Variants in DAB2IP observed in about 807,000 individuals in gnomAD.
DAB2IP encodes the protein DAB2 interacting protein.
A neutral mutation model predicts 107.2 loss-of-function variants in DAB2IP; 28 were observed. The observed-to-expected ratio is 0.26, with a 90% CI of 0.19 to 0.36. The LOEUF (loss-of-function observed/expected upper bound fraction) is 0.36, where lower values mean the gene tolerates loss of function less well. DAB2IP is among the 10% of genes least tolerant of loss of function. The pLI, the probability that DAB2IP is intolerant of heterozygous loss-of-function variation, is 1.00. For synonymous variants in DAB2IP, 755 were observed against 706.4 expected (o/e 1.07, Z -1.09); for missense variants, 1,400 against 1,644.7 (o/e 0.85, Z 2.57).
chr9:121,756,067 A>G (rs1290660943), intron 3 of DAB2IP, among the ~76,000 whole-genome samples: 2 of 152,082 alleles, frequency 1.3e-5, no homozygotes, highest in African/African-American at 4.8e-5. Flanking sequence ...TGCACCAGAG[A>G]TGGTCTTAGC....
chr9:121,657,632 C>T lies in DAB2IP; in HGVS notation c.124+5733C>T, dbSNP rs543202881. 1.3e-3 allele frequency among the ~76,000 whole-genome samples: 198 copies of T among 152,088 alleles called. 2 individuals carry two copies. Among genetic ancestry groups the T allele is most frequent in the Non-Finnish European group, 2.5e-3 (171 of 68,034 alleles). On this transcript the variant is annotated intron_variant, in intron 1 of 15. Coordinates refer to ENST00000408936, the Ensembl canonical transcript of DAB2IP. ...TGGTTTGAACCCAGTCCACTGGACT[C>T]GAAAGCTCATGCTCAGAAGCCCCAG...
Position 121,699,402 on chromosome 9 carries a change from C to T in DAB2IP, c.306C>T (p.Phe102=). ...CCAAGCTGGACCGCAACCACAGCTT[C>T]CGCCACATCCTGCCGGGGTTCCGGA... The change falls in exon 3 of 16, where the codon TTC becomes TTT. Residue 102 remains phenylalanine, a synonymous_variant. Transcript: ENST00000408936. This position sits in a 1 kb window ranked among gnomAD's most constrained non-coding sequence, Gnocchi z 6.2. 6.8e-7 allele frequency: 1 copy of T among 1,475,064 alleles called. No homozygotes were observed. The highest frequency in any genetic ancestry group is 9.1e-7 in the Non-Finnish European group (1 of 1,103,626). 91.4% of individuals were successfully genotyped at this position (1,475,064 alleles called of 1,614,324 possible). A position where few individuals can be genotyped will look rare whatever the true frequency, so the allele number is the denominator to read the frequency against.
At chr9:121,703,789 C>T (rs1329250938) in intron 3 of DAB2IP, among the ~76,000 whole-genome samples, 1 of 152,160 alleles carries the variant, frequency 6.6e-6, no homozygotes, top group Non-Finnish European at 1.5e-5. Flanking sequence ...TGGTAAGCCT[C>T]AGTTTTCTCA....
At chr9:121,720,896 A>G (rs1830889115) in intron 3 of DAB2IP, among the ~76,000 whole-genome samples, 1 of 152,186 alleles carries the variant, frequency 6.6e-6, no homozygotes, top group African/African-American at 2.4e-5. Context: ...CTTCCTGCCA[A>G]TGCCACTCTG....
At chr9:121,763,385 C>T (rs932050453) in intron 6 of DAB2IP, 120 bp from the exon 7 acceptor site, 56 of 1,391,758 alleles carry the variant, frequency 4.0e-5, no homozygotes, top group East Asian at 4.8e-5. Context: ...CCGGGACCCC[C>T]GCAGCTTGGT....
intron 1 of DAB2IP, among the ~76,000 whole-genome samples, chr9:121,606,671 T>C (rs904476384): frequency 4.6e-5 from 7 of 152,120 alleles, no homozygotes; most frequent in Admixed American, 2.0e-4. Flanking sequence ...GACATTCTTG[T>C]GTTGGGATCA....
At chr9:121,723,041 T>G (rs1831029029) in intron 3 of DAB2IP, among the ~76,000 whole-genome samples, 1 of 152,190 alleles carries the variant, frequency 6.6e-6, no homozygotes, top group Non-Finnish European at 1.5e-5. Context: ...TGCTCCTGCT[T>G]CCTTGGCCTG....
upstream of DAB2IP, among the ~76,000 whole-genome samples, chr9:121,650,913 G>T (rs1736413581): frequency 6.6e-6 from 1 of 152,192 alleles, no homozygotes; most frequent in Non-Finnish European, 1.5e-5. Context: ...AAATAACAAG[G>T]ATGTTTAGAC....
At chr9:121,715,156 A>G (rs914067432) in intron 3 of DAB2IP, among the ~76,000 whole-genome samples, 19 of 151,834 alleles carry the variant, frequency 1.3e-4, no homozygotes, top group South Asian at 4.2e-4. Flanking sequence ...CTCTTTAGCT[A>G]GGGTTAAGGA....
chr9:121,686,770 C>T (rs1011649527), intron 2 of DAB2IP, among the ~76,000 whole-genome samples: 1 of 152,204 alleles, frequency 6.6e-6, no homozygotes, highest in East Asian at 1.9e-4. Context: ...CACAAGGCAG[C>T]ATTCCCCACA....
chr9:121,574,599 C>T (rs189224936), intron 1 of DAB2IP, among the ~76,000 whole-genome samples: 15 of 152,260 alleles, frequency 9.9e-5, no homozygotes, highest in Non-Finnish European at 1.5e-4. Flanking sequence ...AAGGAACAAC[C>T]CCACAGCTCA....
intron 5 of DAB2IP, among the ~76,000 whole-genome samples, chr9:121,759,213 A>G (rs1833709327): frequency 6.6e-6 from 1 of 152,264 alleles, no homozygotes; most frequent in Middle Eastern, 3.4e-3. Context: ...TCTAAGCTAC[A>G]CATTGAGGCT....
chr9:121,595,534 T>C (rs1397117583), intron 1 of DAB2IP, among the ~76,000 whole-genome samples: 1 of 151,084 alleles, frequency 6.6e-6, no homozygotes, highest in Non-Finnish European at 1.5e-5. Flanking sequence ...TCCTGGGAGG[T>C]TGAGGCTGCA....
chr9:121,613,554 T>G (rs1033441974), intron 1 of DAB2IP, among the ~76,000 whole-genome samples: 3 of 152,154 alleles, frequency 2.0e-5, no homozygotes, highest in Non-Finnish European at 4.4e-5. Flanking sequence ...CTCCTTCCCC[T>G]GAGAGGTTCG....
intron 2 of DAB2IP, among the ~76,000 whole-genome samples, chr9:121,693,344 C>G (rs1829254792): frequency 6.6e-6 from 1 of 152,214 alleles, no homozygotes; most frequent in African/African-American, 2.4e-5. Flanking sequence ...GTGCCCCCAC[C>G]AGCCTGCCGC....
intron 1 of DAB2IP, among the ~76,000 whole-genome samples, chr9:121,570,313 C>T (rs1020841320): frequency 1.4e-5 from 2 of 148,028 alleles, no homozygotes; most frequent in Admixed American, 6.7e-5. Flanking sequence ...AGGTTTTCGC[C>T]ATGTTGCCCA....
At position 121,776,163 on chromosome 9, in the gene DAB2IP, G is replaced by T; in HGVS notation, c.3121-35G>T. 6.4e-7 allele frequency: 1 copy of T among 1,554,114 alleles called. No homozygotes were observed. Among genetic ancestry groups the T allele is most frequent in the South Asian group, 1.2e-5 (1 of 84,156 alleles). On this transcript the variant is annotated intron_variant, in intron 13 of 15. Coordinates refer to ENST00000408936, the Ensembl canonical transcript of DAB2IP. The surrounding 1 kb of genome is among the most constrained non-coding windows in gnomAD (Gnocchi z 5.4). Reference sequence around the variant, plus strand: ...GACGAAGCTGTGCTCTCTGTGTCCTGGGTGCTGTGCCCGTGGACGCTGCCC... The same window carrying T: ...GACGAAGCTGTGCTCTCTGTGTCCTTGGTGCTGTGCCCGTGGACGCTGCCC...
rs764203323 is a variant in DAB2IP, at chr9:121,760,188, G to A, written c.919G>A (p.Val307Met). The A allele has an allele frequency of 9.3e-6, 15 of 1,613,574 alleles. No individual in the cohort carries two copies. The highest frequency in any genetic ancestry group is 1.6e-4 in the Middle Eastern group (1 of 6,084). ...TGCCTCGGTGGCCGGGCGGCAGTTC[G>A]TGGAGAAGTGGTACCCGGTGGTGAC... Residue 307 changes from valine to methionine, a missense_variant, in exon 6 of 16, where the codon GTG (valine) becomes ATG (methionine). Transcript: ENST00000408936. The surrounding 1 kb of genome is among the most constrained non-coding windows in gnomAD (Gnocchi z 5.9).
intron 1 of DAB2IP, among the ~76,000 whole-genome samples, chr9:121,630,404 A>G (rs1831831513): frequency 1.3e-5 from 2 of 151,862 alleles, no homozygotes; most frequent in Non-Finnish European, 2.9e-5. Flanking sequence ...AGGTGCCTGT[A>G]AGCCCAGCTA....
Sources: gnomAD v4.1 joint callset for allele counts (sites outside exome capture counted in the v4.1 genomes callset) on GRCh38, gnomAD v4.1.1 for gene constraint, Gnocchi (gnomAD v3.1) non-coding constraint, MANE v1.5 for transcripts, NCBI Gene and HGNC (gene_info 2026-07-23, HGNC 2026-07-21) for gene names.